The following MAP4K4 variants were observed in gnomAD, a reference collection of about 807,000 sequenced individuals.
The protein encoded by MAP4K4 is mitogen-activated protein kinase kinase kinase kinase 4, also known as HPK/GCK-like kinase HGK.
Under a neutral mutation model 189.6 loss-of-function variants are expected in MAP4K4, and 38 were observed. The ratio of observed to expected loss-of-function variants is 0.20; its 90% confidence interval spans 0.15 to 0.26. The LOEUF (loss-of-function observed/expected upper bound fraction) is 0.26. Among genes scored for constraint, MAP4K4 ranks in the 10% least tolerant of loss-of-function variants. MAP4K4 has a pLI of 1.00. For missense variants in MAP4K4, 1,054 were observed against 1,726.9 expected, an observed-to-expected ratio of 0.61 and a Z score of 6.91; for synonymous variants, 610 against 624.3, an observed-to-expected ratio of 0.98 and a Z score of 0.34.
chr2:101,857,519 G>A (rs973829980), intron 13 of MAP4K4, among the ~76,000 whole-genome samples: 3 of 152,172 alleles, frequency 2.0e-5, no homozygotes, highest in Admixed American at 6.5e-5. Flanking sequence ...ATTCTGTTTT[G>A]TTCAAAAAAG....
chr2:101,834,321 A>G, intron 7 of MAP4K4, 88 bp from the exon 8 acceptor site: 1 of 985,466 alleles, frequency 1.0e-6, no homozygotes, highest in Non-Finnish European at 1.6e-6. Context: ...TTTGGTTTAT[A>G]TAGCAAAGTT....
chr2:101,746,043 T>C (rs1438922644), intron 2 of MAP4K4, among the ~76,000 whole-genome samples: 3 of 151,800 alleles, frequency 2.0e-5, no homozygotes, highest in Non-Finnish European at 4.4e-5. Flanking sequence ...CAAGCTGGAA[T>C]ACAGTGATGT....
intron 3 of MAP4K4, among the ~76,000 whole-genome samples, chr2:101,822,267 T>C (rs542266765): frequency 3.9e-5 from 6 of 152,350 alleles, no homozygotes; most frequent in Non-Finnish European, 8.8e-5. Context: ...TAGTTTACAG[T>C]AGCCTTAACC....
At chr2:101,700,932 G>A (rs1181303921) in intron 2 of MAP4K4, among the ~76,000 whole-genome samples, 1 of 151,992 alleles carries the variant, frequency 6.6e-6, no homozygotes, top group African/African-American at 2.4e-5. Flanking sequence ...TTATGTGTAG[G>A]AGTTAATTTA....
At chr2:101,862,186 A>G (rs1312875233) in intron 16 of MAP4K4, 1 of 135,714 alleles carries the variant, frequency 7.4e-6, no homozygotes, top group Non-Finnish European at 1.5e-5. Context: ...GCTTGCAGTG[A>G]GCTGAGATAG....
chr2:101,839,327 CCA>C (rs2096853908), intron 9 of MAP4K4, among the ~76,000 whole-genome samples: 1 of 152,238 alleles, frequency 6.6e-6, no homozygotes, highest in Non-Finnish European at 1.5e-5. Flanking sequence ...GACAAATCAA[CCA>C]GTTTGGAACT....
intron 2 of MAP4K4, among the ~76,000 whole-genome samples, chr2:101,753,599 G>A (rs940598762): frequency 6.6e-6 from 1 of 151,776 alleles, no homozygotes; most frequent in East Asian, 1.9e-4. Flanking sequence ...ATTTCAGCAA[G>A]TATGGGAACC....
chr2:101,872,152 A>G (rs2150056862), intron 24 of MAP4K4, among the ~76,000 whole-genome samples: 1 of 151,720 alleles, frequency 6.6e-6, no homozygotes. Context: ...TTTCAAACAG[A>G]ACTGATTTTT....
In MAP4K4 at chr2:101,775,124, A is replaced by C. The variant is rs140047023; in HGVS notation, c.124-15596A>C. Among the ~76,000 whole-genome samples the C allele has an allele frequency of 1.4e-3, 211 of 150,860 alleles. No homozygotes were observed. In the Middle Eastern group the frequency reaches 0.021, roughly 15 times the overall value. On this transcript the variant is annotated intron_variant, in intron 2 of 32. Coordinates refer to ENST00000324219, the Ensembl canonical transcript of MAP4K4. ...AGTATTTCAGGACAACCCCGGATCAATCTTAACCTTCACGCTTCCTGCATG... is the reference window on the plus strand; with the variant it reads ...AGTATTTCAGGACAACCCCGGATCACTCTTAACCTTCACGCTTCCTGCATG...
At chr2:101,808,217 G>T (rs1274894802) in intron 3 of MAP4K4, among the ~76,000 whole-genome samples, 2 of 152,186 alleles carry the variant, frequency 1.3e-5, no homozygotes, top group Non-Finnish European at 2.9e-5. Context: ...GAAGATGAGG[G>T]CTCTGTGGTG....
intron 2 of MAP4K4, among the ~76,000 whole-genome samples, chr2:101,749,241 G>A (rs1184679309): frequency 6.6e-5 from 10 of 151,870 alleles, no homozygotes; most frequent in East Asian, 3.9e-4. Flanking sequence ...GAGGCATCAC[G>A]CTACCTGACT....
At chr2:101,844,495 G>A (rs1168583006) in intron 12 of MAP4K4, among the ~76,000 whole-genome samples, 184 bp downstream of exon 12, 1 of 152,182 alleles carries the variant, frequency 6.6e-6, no homozygotes, top group Non-Finnish European at 1.5e-5. Flanking sequence ...CACATTCCTT[G>A]AGGCCTTAGA....
At chr2:101,820,300 C>G (rs1464196457) in intron 3 of MAP4K4, among the ~76,000 whole-genome samples, 3 of 152,150 alleles carry the variant, frequency 2.0e-5, no homozygotes, top group Admixed American at 2.0e-4. Flanking sequence ...AGTTTAGCCA[C>G]TGCAGGGAGT....
At chr2:101,869,563 A>T in intron 21 of MAP4K4, 59 bp from the exon 22 acceptor site, 1 of 1,369,124 alleles carries the variant, frequency 7.3e-7, no homozygotes, top group Non-Finnish European at 1.0e-6. Flanking sequence ...AGAACTTCTC[A>T]TCTTCTCCTG....
chr2:101,888,805 G>C, exon 32 of MAP4K4: 3 of 1,608,118 alleles, frequency 1.9e-6, no homozygotes, highest in Non-Finnish European at 2.5e-6. Flanking sequence ...GCATATATTC[G>C]ATCCAATCAG....
chr2:101,758,941 G>A (rs1042294367), intron 2 of MAP4K4, among the ~76,000 whole-genome samples: 2 of 151,992 alleles, frequency 1.3e-5, no homozygotes, highest in Non-Finnish European at 2.9e-5. Flanking sequence ...AGACCATCCT[G>A]GCTAACATGG....
intron 3 of MAP4K4, among the ~76,000 whole-genome samples, chr2:101,798,443 A>G (rs777970415): frequency 2.0e-5 from 3 of 152,202 alleles, no homozygotes; most frequent in Non-Finnish European, 4.4e-5. Flanking sequence ...AAGCAGAGGA[A>G]GGTTAAGACT....
intron 2 of MAP4K4, among the ~76,000 whole-genome samples, chr2:101,720,513 AGGACCCAG>A (rs981340888): frequency 4.6e-5 from 7 of 152,192 alleles, no homozygotes; most frequent in African/African-American, 1.7e-4. Flanking sequence ...GAAACCTCCA[AGGACCCAG>A]TGAGGTGGAG....
At chr2:101,876,517 C>T (rs1336242178) in intron 26 of MAP4K4, among the ~76,000 whole-genome samples, 4 of 152,036 alleles carry the variant, frequency 2.6e-5, no homozygotes, top group East Asian at 3.9e-4. Context: ...TGATGGAAGC[C>T]GAATCATAAG....
Sources: gnomAD v4.1 joint callset for allele counts (sites outside exome capture counted in the v4.1 genomes callset) on GRCh38, gnomAD v4.1.1 for gene constraint, MANE v1.5 for transcripts, NCBI Gene and HGNC (gene_info 2026-07-23, HGNC 2026-07-21) for gene names.